The following CHST11 variants were observed in gnomAD, a reference collection of about 807,000 sequenced individuals.
CHST11 encodes the protein carbohydrate sulfotransferase 11.
Under a neutral mutation model 30.4 loss-of-function variants are expected in CHST11, and 9 were observed. The observed-to-expected ratio is 0.30, with a 90% CI of 0.18 to 0.52. The LOEUF is 0.52. CHST11 is among the 20% of genes least tolerant of loss of function. CHST11 has a pLI of 0.97. For synonymous variants in CHST11, 152 were observed against 187.8 expected, an observed-to-expected ratio of 0.81 and a Z score of 1.56; for missense variants, 348 against 460.6, an observed-to-expected ratio of 0.76 and a Z score of 2.24.
chr12:104,597,032 A>T (rs1177752697), intron 1 of CHST11, among the ~76,000 whole-genome samples: 1 of 152,198 alleles, frequency 6.6e-6, no homozygotes, highest in Non-Finnish European at 1.5e-5. Flanking sequence ...TCTCCCCTGC[A>T]TTCCAGCAGC....
intron 1 of CHST11, among the ~76,000 whole-genome samples, chr12:104,471,367 A>G (rs954413283): frequency 6.6e-5 from 10 of 152,144 alleles, no homozygotes; most frequent in Admixed American, 2.0e-4. Flanking sequence ...CCTTTTTGGG[A>G]TAGCGGGTAT....
At chr12:104,680,214 G>A (rs1258805500) in intron 2 of CHST11, among the ~76,000 whole-genome samples, 1 of 152,212 alleles carries the variant, frequency 6.6e-6, no homozygotes, top group Non-Finnish European at 1.5e-5. Context: ...GAAGATACAA[G>A]GTAGTAATAG....
intron 1 of CHST11, among the ~76,000 whole-genome samples, chr12:104,472,251 C>T (rs1238929568): frequency 6.6e-6 from 1 of 151,464 alleles, no homozygotes; most frequent in African/African-American, 2.4e-5. Flanking sequence ...GGAGTACAGG[C>T]GTGAGCCATT....
chr12:104,513,128 G>GGC (rs1555229107), intron 1 of CHST11, among the ~76,000 whole-genome samples: 2 of 82,070 alleles, frequency 2.4e-5, no homozygotes, highest in South Asian at 5.1e-4. Flanking sequence ...ATGACTGGGG[G>GGC]GGGGGGGGGT....
At chr12:104,482,025 T>G (rs1434319187) in intron 1 of CHST11, among the ~76,000 whole-genome samples, 1 of 151,730 alleles carries the variant, frequency 6.6e-6, no homozygotes, top group Non-Finnish European at 1.5e-5. Flanking sequence ...TATATATATA[T>G]TTTTTAGTAG....
chr12:104,607,569 G>A (rs11112131), intron 2 of CHST11, among the ~76,000 whole-genome samples: 3,971 of 152,146 alleles, frequency 0.026, 134 homozygotes, highest in East Asian at 0.087. Flanking sequence ...ATTTGAGTCC[G>A]GTCTCTGAAG....
At chr12:104,642,073 G>C (rs888950006) in intron 2 of CHST11, among the ~76,000 whole-genome samples, 21 of 152,200 alleles carry the variant, frequency 1.4e-4, no homozygotes, top group African/African-American at 5.1e-4. Flanking sequence ...AGAGTCATCT[G>C]ATCCTGTACG....
At position 104,457,379 on chromosome 12, in the gene CHST11, G is replaced by T. The variant is rs774673648; in HGVS notation, c.-33G>T. 1.0e-5 allele frequency: 16 copies of T among 1,554,512 alleles called. No individual in the cohort carries two copies. In the African/African-American group the frequency reaches 1.6e-4, roughly 16 times the overall value. ...CTCCTGCGCCCCGGGCGCGCTTCCCGGACACCCCGGTCCCCGCAGCCAGGA... is the reference window on the plus strand; with the variant it reads ...CTCCTGCGCCCCGGGCGCGCTTCCCTGACACCCCGGTCCCCGCAGCCAGGA... On this transcript the variant is annotated 5_prime_UTR_variant, in exon 1 of 3. Transcript: ENST00000303694.
chr12:104,730,285 A>G (rs750612534), intron 2 of CHST11, among the ~76,000 whole-genome samples: 1 of 152,206 alleles, frequency 6.6e-6, no homozygotes, highest in South Asian at 2.1e-4. Flanking sequence ...GGCCTCTTGT[A>G]TGACATGGGA....
chr12:104,733,252 T>G (rs1218405635), intron 2 of CHST11, among the ~76,000 whole-genome samples: 1 of 152,264 alleles, frequency 6.6e-6, no homozygotes, highest in Non-Finnish European at 1.5e-5. Context: ...ATGCAAAATC[T>G]GGAGTCTAGC....
rs577216011 is a variant in CHST11, at chr12:104,621,055, CTA to C, written c.204+19066_204+19067del. Among the ~76,000 whole-genome samples, 235 of 152,350 alleles carry C rather than the reference CTA, an allele frequency of 1.5e-3. 1 individual carries two copies. Among genetic ancestry groups the C allele is most frequent in the Non-Finnish European group, 2.5e-3 (169 of 68,032 alleles). On this transcript the variant is annotated intron_variant, in intron 2 of 2. Transcript: ENST00000303694. The stretch of plus-strand genomic sequence containing the variant: ...TGAGCCTCAGAAACCCTGCTTGTCT[CTA>C]TCAGTTCATTTCAAATTTAACTTGC...
At chr12:104,654,479 G>A (rs2039523837) in intron 2 of CHST11, among the ~76,000 whole-genome samples, 1 of 152,176 alleles carries the variant, frequency 6.6e-6, no homozygotes, top group East Asian at 1.9e-4. Context: ...GCTGTGCAGT[G>A]AGGACAGTGC....
At chr12:104,656,065 A>G (rs1209605422) in intron 2 of CHST11, among the ~76,000 whole-genome samples, 1 of 152,254 alleles carries the variant, frequency 6.6e-6, no homozygotes, top group Non-Finnish European at 1.5e-5. Flanking sequence ...TCCTAGACCT[A>G]GAAAGCAAGA....
rs111811533 is a variant in CHST11, at chr12:104,747,196, C to T, written c.205-9753C>T. ...CTAGGGTTGAGACCCACGCCTCCAG[C>T]GGCTGCCCGGGAGCCGATAACTCCC... On this transcript the variant is annotated intron_variant, in intron 2 of 2. Coordinates refer to ENST00000303694, the MANE Select transcript of CHST11 (RefSeq NM_018413.6). Among the ~76,000 whole-genome samples the T allele has an allele frequency of 7.0e-4, 106 of 152,354 alleles. 1 individual carries two copies. The highest frequency in any genetic ancestry group is 2.1e-3 in the African/African-American group (88 of 41,588).
At chr12:104,502,284 C>A (rs149611090) in intron 1 of CHST11, among the ~76,000 whole-genome samples, 1 of 152,120 alleles carries the variant, frequency 6.6e-6, no homozygotes, top group African/African-American at 2.4e-5. Context: ...TGGCTTTAAG[C>A]GATTCTCCTG....
chr12:104,479,975 G>C (rs1476622223), intron 1 of CHST11, among the ~76,000 whole-genome samples: 1 of 152,222 alleles, frequency 6.6e-6, no homozygotes, highest in Non-Finnish European at 1.5e-5. Context: ...ATTTATGTCT[G>C]TGGGGGAGGC....
At chr12:104,631,104 G>C (rs755135404) in intron 2 of CHST11, among the ~76,000 whole-genome samples, 1 of 152,146 alleles carries the variant, frequency 6.6e-6, no homozygotes, top group Non-Finnish European at 1.5e-5. Context: ...TTGTTGCTCC[G>C]TCTGGGATGC....
At chr12:104,589,287 G>A (rs1555234547) in intron 1 of CHST11, among the ~76,000 whole-genome samples, 1 of 151,806 alleles carries the variant, frequency 6.6e-6, no homozygotes, top group Non-Finnish European at 1.5e-5. Context: ...TGTAGTCCCA[G>A]CTACTCTGAA....
chr12:104,521,066 GATAATAGTT>G (rs1457226161), intron 1 of CHST11, among the ~76,000 whole-genome samples: 1 of 152,156 alleles, frequency 6.6e-6, no homozygotes. Context: ...TAAGGATAAG[GATAATAGTT>G]GATCTCAGTA....
Sources: gnomAD v4.1 joint callset for allele counts (sites outside exome capture counted in the v4.1 genomes callset) on GRCh38, gnomAD v4.1.1 for gene constraint, MANE v1.5 for transcripts, NCBI Gene and HGNC (gene_info 2026-07-23, HGNC 2026-07-21) for gene names.